RBFOX1: variants seen among roughly 807,000 people sequenced by gnomAD.
RBFOX1 encodes the protein RNA binding protein fox-1 homolog 1.
In RBFOX1, 8 loss-of-function variants were observed where a neutral mutation model predicts 57.7. The observed-to-expected ratio is 0.14, with a 90% confidence interval of 0.08 to 0.25. RBFOX1 has a LOEUF of 0.25. Ranked by LOEUF, RBFOX1 falls within the 10% of genes least tolerant of loss-of-function variation. RBFOX1 has a pLI of 1.00. For missense variants in RBFOX1, 611 were observed against 548.5 expected, an observed-to-expected ratio of 1.11 and a Z score of -1.14; for synonymous variants, 326 against 222.4, an observed-to-expected ratio of 1.47 and a Z score of -4.15.
At chr16:7,702,675 C>G (rs1447021492) in intron 14 of RBFOX1, among the ~76,000 whole-genome samples, 2 of 152,174 alleles carry the variant, frequency 1.3e-5, no homozygotes, top group Non-Finnish European at 2.9e-5. Flanking sequence ...GGCTGTGACT[C>G]CTTTCCAGCC....
At chr16:6,341,080 A>G (rs1157679388) in intron 2 of RBFOX1, among the ~76,000 whole-genome samples, 1 of 152,172 alleles carries the variant, frequency 6.6e-6, no homozygotes, top group African/African-American at 2.4e-5. Context: ...TCAAATGATC[A>G]CAAATCATTG....
At chr16:6,504,455 G>A (rs1441153402) in intron 2 of RBFOX1, among the ~76,000 whole-genome samples, 1 of 152,130 alleles carries the variant, frequency 6.6e-6, no homozygotes, top group Non-Finnish European at 1.5e-5. Context: ...AGAGTACCGG[G>A]GTAGTATAGA....
intron 3 of RBFOX1, among the ~76,000 whole-genome samples, chr16:5,698,336 C>T (rs1337915727): frequency 6.6e-6 from 1 of 151,896 alleles, no homozygotes; most frequent in African/African-American, 2.4e-5. Context: ...TAAAATTTAC[C>T]TGTAATTTTT....
chr16:7,689,819 A>T (rs2076936596), intron 14 of RBFOX1, among the ~76,000 whole-genome samples: 1 of 152,104 alleles, frequency 6.6e-6, no homozygotes, highest in South Asian at 2.1e-4. Flanking sequence ...AGAGTATGAT[A>T]TGGCCACTGT....
chr16:6,066,810 C>T (rs766287317), intron 1 of RBFOX1, among the ~76,000 whole-genome samples: 2 of 152,128 alleles, frequency 1.3e-5, no homozygotes, highest in South Asian at 2.1e-4. Flanking sequence ...TCTCTCTGCT[C>T]ATTCTGCCCT....
chr16:5,660,128 G>A (rs1428157075), intron 3 of RBFOX1, among the ~76,000 whole-genome samples: 1 of 152,188 alleles, frequency 6.6e-6, no homozygotes, highest in Non-Finnish European at 1.5e-5. Flanking sequence ...TGCCTTGTCT[G>A]CATTTGGCGA....
rs544650071 is a variant in RBFOX1, at chr16:6,110,954, G to C, written c.-127+90962G>C. On this transcript the variant is annotated intron_variant, in intron 1 of 15. Transcript: ENST00000550418. Reference sequence around the variant, plus strand: ...TAGTGTGGAGTAAAGGGAAAAGCATGTGCAGAAAACAGTATTTCAAGGAAG... The same window carrying C: ...TAGTGTGGAGTAAAGGGAAAAGCATCTGCAGAAAACAGTATTTCAAGGAAG... Among the ~76,000 whole-genome samples, 7 of 152,292 alleles carry C rather than the reference G, an allele frequency of 4.6e-5. No homozygotes were observed. The South Asian group carries it at 1.5e-3, about 32-fold the overall frequency.
chr16:5,969,621 C>A (rs550033834), intron 4 of RBFOX1, among the ~76,000 whole-genome samples: 2 of 151,694 alleles, frequency 1.3e-5, no homozygotes, highest in African/African-American at 4.8e-5. Context: ...CATGTCCAGC[C>A]TTTGTTGTTC....
chr16:6,042,691 T>A (rs2095451226), intron 1 of RBFOX1, among the ~76,000 whole-genome samples: 1 of 152,136 alleles, frequency 6.6e-6, no homozygotes, highest in Non-Finnish European at 1.5e-5. Flanking sequence ...AAAGCGTGTC[T>A]AAGATGACTG....
At chr16:6,627,491 T>G (rs1483552266) in intron 2 of RBFOX1, among the ~76,000 whole-genome samples, 1 of 152,086 alleles carries the variant, frequency 6.6e-6, no homozygotes, top group Non-Finnish European at 1.5e-5. Flanking sequence ...TATTGGAAAC[T>G]TGCTCCCTGA....
At chr16:5,903,675 T>C (rs1028568633) in intron 4 of RBFOX1, among the ~76,000 whole-genome samples, 2 of 152,096 alleles carry the variant, frequency 1.3e-5, no homozygotes, top group African/African-American at 4.8e-5. Flanking sequence ...CCTCTAATAG[T>C]AAAATTTATG....
chr16:6,736,246 G>T (rs2070261694), intron 3 of RBFOX1, among the ~76,000 whole-genome samples: 1 of 152,030 alleles, frequency 6.6e-6, no homozygotes, highest in African/African-American at 2.4e-5. Context: ...AAGTTCTTTA[G>T]TGGTGATTTG....
Position 7,506,086 on chromosome 16 carries a change from G to C in RBFOX1, c.28-12061G>C, listed in dbSNP as rs143154029. Reference sequence around the variant, plus strand: ...TGTAGTCCCAGCTACTTGGGAGGCTGAGGCAGGAGAACTGCTTGAACCCAG... The same window carrying C: ...TGTAGTCCCAGCTACTTGGGAGGCTCAGGCAGGAGAACTGCTTGAACCCAG... On this transcript the variant is annotated intron_variant, in intron 4 of 15. Coordinates refer to ENST00000550418, the MANE Select transcript of RBFOX1 (RefSeq NM_018723.4). Among the ~76,000 whole-genome samples, 792 of 149,618 alleles carry C rather than the reference G, an allele frequency of 5.3e-3. 7 individuals carry two copies. The highest frequency in any genetic ancestry group is 0.019 in the African/African-American group (768 of 40,704).
At chr16:7,190,563 G>A (rs188019932) in intron 4 of RBFOX1, among the ~76,000 whole-genome samples, 1 of 151,974 alleles carries the variant, frequency 6.6e-6, no homozygotes, top group East Asian at 1.9e-4. Context: ...AAGTTAGAAG[G>A]GAAAGTAGAG....
intron 4 of RBFOX1, among the ~76,000 whole-genome samples, chr16:7,201,092 G>C (rs141278546): frequency 2.6e-5 from 4 of 152,128 alleles, no homozygotes; most frequent in Non-Finnish European, 1.5e-5. Flanking sequence ...ATTTATTTCT[G>C]AATGTAAAAA....
intron 4 of RBFOX1, among the ~76,000 whole-genome samples, chr16:7,348,757 C>G (rs574924121): frequency 6.6e-6 from 1 of 152,138 alleles, no homozygotes; most frequent in African/African-American, 2.4e-5. Context: ...CCCTGGCCAA[C>G]ATGATGAAAC....
intron 3 of RBFOX1, among the ~76,000 whole-genome samples, chr16:6,861,498 C>A (rs372206922): frequency 7.3e-6 from 1 of 137,204 alleles, no homozygotes; most frequent in South Asian, 2.5e-4. Flanking sequence ...CCCCCCCCGA[C>A]TCAATTACAA....
At chr16:7,196,001 C>G (rs972680197) in intron 4 of RBFOX1, among the ~76,000 whole-genome samples, 3 of 151,988 alleles carry the variant, frequency 2.0e-5, no homozygotes, top group African/African-American at 7.3e-5. Context: ...TTCTTCCAGG[C>G]TGTCACCGTC....
chr16:7,698,004 G>A (rs995450469), intron 14 of RBFOX1, among the ~76,000 whole-genome samples: 1 of 152,110 alleles, frequency 6.6e-6, no homozygotes, highest in African/African-American at 2.4e-5. Flanking sequence ...GCAGATGTCA[G>A]GTCAGGAAGC....
Sources: allele counts gnomAD v4.1 joint callset (sites outside exome capture counted in the v4.1 genomes callset), GRCh38; gene constraint gnomAD v4.1.1; transcripts MANE v1.5; gene names NCBI Gene and HGNC (gene_info 2026-07-23, HGNC 2026-07-21).